The following TBC1D22A variants were observed in gnomAD, a reference collection of about 807,000 sequenced individuals.
TBC1D22A encodes the protein putative GTPase activator.
TBC1D22A carries 38 observed loss-of-function variants against 60.2 expected under a neutral mutation model. That is an observed-to-expected ratio of 0.63 (90% CI 0.49 to 0.83). The LOEUF (loss-of-function observed/expected upper bound fraction) is 0.83, where lower values mean the gene tolerates loss of function less well. TBC1D22A is among the 40% of genes least tolerant of loss of function. TBC1D22A has a pLI of 0.00. For missense variants in TBC1D22A, 628 were observed against 701.0 expected (o/e 0.90, Z 1.18); for synonymous variants, 302 against 281.7 (o/e 1.07, Z -0.72).
chr22:47,093,482 T>C (rs559922161), intron 11 of TBC1D22A, among the ~76,000 whole-genome samples: 13 of 152,244 alleles, frequency 8.5e-5, no homozygotes, highest in Admixed American at 7.8e-4. Context: ...GGGGCTGCCT[T>C]GTTCACTCTC....
intron 4 of TBC1D22A, among the ~76,000 whole-genome samples, chr22:46,806,598 A>G (rs907448984): frequency 6.6e-6 from 1 of 151,884 alleles, no homozygotes; most frequent in African/African-American, 2.4e-5. Context: ...TAAAAAAAGT[A>G]TGGCCACAGA....
chr22:46,769,478 C>T (rs1467116991), intron 1 of TBC1D22A, among the ~76,000 whole-genome samples: 3 of 152,208 alleles, frequency 2.0e-5, no homozygotes, highest in African/African-American at 4.8e-5. Flanking sequence ...GTGGCAGTCC[C>T]GGGACCCTGG....
intron 12 of TBC1D22A, among the ~76,000 whole-genome samples, chr22:47,159,507 C>A (rs1274798351): frequency 1.1e-4 from 17 of 151,604 alleles, no homozygotes; most frequent in Admixed American, 1.1e-3. Flanking sequence ...ACACGACATG[C>A]ATACTCACCA....
At chr22:47,135,852 C>T (rs1159906779) in intron 12 of TBC1D22A, among the ~76,000 whole-genome samples, 2 of 151,942 alleles carry the variant, frequency 1.3e-5, no homozygotes, top group Admixed American at 6.6e-5. Flanking sequence ...CCCGGACACA[C>T]GTGGTGAGGT....
chr22:46,897,636 TTTTGTTTTTTTTTGTG>T (rs2068748112), intron 7 of TBC1D22A, among the ~76,000 whole-genome samples: 1 of 128,432 alleles, frequency 7.8e-6, no homozygotes, highest in African/African-American at 3.2e-5. Context: ...TTTTGTTTCG[TTTTGTTTTTTTTTGTG>T]TTTTTTTTTT....
chr22:46,986,250 G>A (rs1197930262), intron 9 of TBC1D22A, among the ~76,000 whole-genome samples: 8 of 152,292 alleles, frequency 5.3e-5, no homozygotes, highest in Non-Finnish European at 7.4e-5. Context: ...TCCCATTGAC[G>A]TACAAATGGA....
intron 1 of TBC1D22A, among the ~76,000 whole-genome samples, chr22:46,782,770 C>T (rs564315400): frequency 1.1e-4 from 16 of 152,294 alleles, no homozygotes; most frequent in South Asian, 6.2e-4. Flanking sequence ...TTCATGTTGT[C>T]AGGATTCACC....
At chr22:47,162,938 A>G (rs964456785) in intron 12 of TBC1D22A, among the ~76,000 whole-genome samples, 2 of 152,212 alleles carry the variant, frequency 1.3e-5, no homozygotes, top group African/African-American at 4.8e-5. Flanking sequence ...TGAAAGTTTC[A>G]GAATTACAGA....
intron 10 of TBC1D22A, among the ~76,000 whole-genome samples, chr22:47,008,215 T>C (rs541878760): frequency 6.6e-5 from 10 of 152,360 alleles, no homozygotes; most frequent in Non-Finnish European, 1.3e-4. Flanking sequence ...TAGATGGCTA[T>C]TGACGAAATG....
At chr22:47,071,634 A>G (rs886569300) in intron 11 of TBC1D22A, among the ~76,000 whole-genome samples, 2 of 152,204 alleles carry the variant, frequency 1.3e-5, no homozygotes, top group Non-Finnish European at 2.9e-5. Flanking sequence ...CTTTCCTTTT[A>G]AACAAGACTC....
At chr22:46,973,378 C>T (rs557198463) in intron 8 of TBC1D22A, among the ~76,000 whole-genome samples, 1 of 152,336 alleles carries the variant, frequency 6.6e-6, no homozygotes, top group South Asian at 2.1e-4. Flanking sequence ...TGAGCACGCA[C>T]ATTCACAGTG....
intron 11 of TBC1D22A, among the ~76,000 whole-genome samples, chr22:47,047,842 C>A (rs1017135976): frequency 6.6e-6 from 1 of 152,204 alleles, no homozygotes; most frequent in African/African-American, 2.4e-5. Context: ...CTACTCCTTG[C>A]CTTTGCTCGA....
chr22:46,857,789 C>A (rs1010645323), intron 4 of TBC1D22A, among the ~76,000 whole-genome samples: 3 of 152,294 alleles, frequency 2.0e-5, no homozygotes, highest in African/African-American at 7.2e-5. Context: ...TGTCAAGGCT[C>A]ATCCGGGTTG....
intron 12 of TBC1D22A, among the ~76,000 whole-genome samples, chr22:47,165,422 C>A (rs79837253): frequency 0.018 from 2,707 of 152,288 alleles, 73 homozygotes; most frequent in African/African-American, 0.061. Flanking sequence ...CTGCCCCTCT[C>A]GCCTGGGGGT....
At chr22:47,060,783 G>A (rs867180077) in intron 11 of TBC1D22A, among the ~76,000 whole-genome samples, 19 of 152,196 alleles carry the variant, frequency 1.2e-4, no homozygotes, top group East Asian at 5.8e-4. Flanking sequence ...ACAATTTAGC[G>A]GAGTCAGTCC....
At chr22:47,094,934 C>T (rs995409895) in intron 11 of TBC1D22A, among the ~76,000 whole-genome samples, 2 of 152,030 alleles carry the variant, frequency 1.3e-5, no homozygotes, top group African/African-American at 2.4e-5. Flanking sequence ...AGACACATGC[C>T]GATAAGAATC....
At chr22:47,045,191 C>G (rs529469435) in intron 11 of TBC1D22A, among the ~76,000 whole-genome samples, 1 of 152,224 alleles carries the variant, frequency 6.6e-6, no homozygotes. Context: ...TGAAAAGTTA[C>G]GTGGTGAGGA....
chr22:47,008,851 C>G (rs2061663997), intron 10 of TBC1D22A, among the ~76,000 whole-genome samples: 1 of 152,196 alleles, frequency 6.6e-6, no homozygotes, highest in African/African-American at 2.4e-5. Context: ...TGACCTCCCA[C>G]CGGGAAGTTA....
At chr22:47,003,765 CAT>C (rs1380390745) in intron 10 of TBC1D22A, among the ~76,000 whole-genome samples, 18 of 120,806 alleles carry the variant, frequency 1.5e-4, no homozygotes, top group African/African-American at 5.4e-4. Context: ...CGTACACACA[CAT>C]GCCTATACAC....
Sources: gnomAD v4.1 joint callset for allele counts (sites outside exome capture counted in the v4.1 genomes callset) on GRCh38, gnomAD v4.1.1 for gene constraint, MANE v1.5 for transcripts, NCBI Gene and HGNC (gene_info 2026-07-23, HGNC 2026-07-21) for gene names.